Variants in FBXL13 observed in about 807,000 individuals in gnomAD.
FBXL13 encodes the protein F-box and leucine rich repeat protein 13, also known as F-box and leucine-rich repeat protein 13.
In FBXL13, 67 loss-of-function variants were observed where a neutral mutation model predicts 83.6. The ratio of observed to expected loss-of-function variants is 0.80; its 90% CI spans 0.66 to 0.98. The LOEUF (loss-of-function observed/expected upper bound fraction) is 0.98. FBXL13 is among the 50% of genes least tolerant of loss of function. FBXL13 has a pLI of 0.00. For missense variants in FBXL13, 822 were observed against 866.5 expected (o/e 0.95, Z 0.64); for synonymous variants, 272 against 299.5 (o/e 0.91, Z 0.95).
chr7:103,018,300 G>C lies in FBXL13; in HGVS notation c.495+6763C>G, dbSNP rs536502982. Among the ~76,000 whole-genome samples, 345 of 152,236 alleles carry C rather than the reference G, an allele frequency of 2.3e-3. 1 individual carries two copies. Among genetic ancestry groups the C allele is most frequent in the Middle Eastern group, 0.02 (6 of 294 alleles). The stretch of plus-strand genomic sequence containing the variant: ...GAGAGATTTTGTCACCACTAGGCCT[G>C]CCTTACAAGAGCTCCTGAAGGAAGC... On this transcript the variant is annotated intron_variant, in intron 6 of 19. Transcript: ENST00000313221.
intron 11 of FBXL13, among the ~76,000 whole-genome samples, chr7:102,903,948 T>C (rs1203174166): frequency 6.3e-5 from 9 of 143,332 alleles, no homozygotes; most frequent in East Asian, 3.9e-4. Flanking sequence ...TCTTTTTTTT[T>C]TTTTTTTTTT....
intron 16 of FBXL13, 121 bp from the exon 18 acceptor site, chr7:102,854,981 T>C: frequency 5.5e-6 from 3 of 542,654 alleles, no homozygotes; most frequent in Non-Finnish European, 9.3e-6. Flanking sequence ...TAATAAATTT[T>C]AGTTGCTGTC....
intron 16 of FBXL13, among the ~76,000 whole-genome samples, chr7:102,856,906 A>C (rs144450281): frequency 1.3e-5 from 2 of 152,218 alleles, no homozygotes; most frequent in Non-Finnish European, 2.9e-5. Flanking sequence ...ACCCAAAAAC[A>C]GTGAAAACAT....
At chr7:102,846,731 C>A (rs1408764221) in intron 17 of FBXL13, among the ~76,000 whole-genome samples, 1 of 29,152 alleles carries the variant, frequency 3.4e-5, no homozygotes, top group Non-Finnish European at 7.6e-5. Flanking sequence ...CAAATAATAC[C>A]CCAGTGTTGT....
intron 17 of FBXL13, among the ~76,000 whole-genome samples, chr7:102,853,633 C>T (rs1303156065): frequency 6.6e-6 from 1 of 151,866 alleles, no homozygotes; most frequent in African/African-American, 2.4e-5. Context: ...TGACAAAGGG[C>T]TAATATCCAG....
chr7:102,889,482 T>C (rs762801767), intron 11 of FBXL13, among the ~76,000 whole-genome samples: 2 of 152,206 alleles, frequency 1.3e-5, no homozygotes, highest in Non-Finnish European at 2.9e-5. Flanking sequence ...TAAATAGGTA[T>C]ACATGTGCCA....
chr7:102,941,207 A>G (rs1163630622), intron 8 of FBXL13, among the ~76,000 whole-genome samples: 1 of 152,210 alleles, frequency 6.6e-6, no homozygotes, highest in African/African-American at 2.4e-5. Context: ...TCATTTTTCA[A>G]TAAATAAGGA....
chr7:102,927,442 A>G (rs1363628478), intron 9 of FBXL13, among the ~76,000 whole-genome samples: 1 of 152,200 alleles, frequency 6.6e-6, no homozygotes, highest in Non-Finnish European at 1.5e-5. Flanking sequence ...TAAAGATAGT[A>G]AAGGCTTATT....
In FBXL13 at chr7:103,029,331, T is replaced by G; in HGVS notation, c.68+20A>C. On this transcript the variant is annotated intron_variant, in intron 3 of 19. Transcript: ENST00000313221. ...AATAAAAACTCAAAGAGGAAGAAATTGTAAAAATCACATTCTTACCAAAAA... is the reference window on the plus strand; with the variant it reads ...AATAAAAACTCAAAGAGGAAGAAATGGTAAAAATCACATTCTTACCAAAAA... 2 of 1,471,004 alleles carry G rather than the reference T, an allele frequency of 1.4e-6. No homozygotes were observed. The highest frequency in any genetic ancestry group is 1.8e-6 in the Non-Finnish European group (2 of 1,082,682). 91.1% of individuals were successfully genotyped at this position (1,471,004 alleles called of 1,614,324 possible).
chr7:102,819,276 A>G (rs1798464189), intron 19 of FBXL13, among the ~76,000 whole-genome samples: 1 of 152,016 alleles, frequency 6.6e-6, no homozygotes. Flanking sequence ...TTCTGATCAT[A>G]GTTGTTACTT....
intron 8 of FBXL13, among the ~76,000 whole-genome samples, chr7:102,949,662 T>C (rs149442249): frequency 5.3e-5 from 8 of 152,262 alleles, no homozygotes; most frequent in East Asian, 3.9e-4. Flanking sequence ...ATGAAGACAA[T>C]TGTACTAAGA....
chr7:102,995,651 G>T (rs1007532279), intron 6 of FBXL13, among the ~76,000 whole-genome samples: 2 of 151,844 alleles, frequency 1.3e-5, no homozygotes, highest in Non-Finnish European at 1.5e-5. Context: ...GCCAGGCGTG[G>T]TGGTGTGCAC....
chr7:102,953,374 CAATGT>C (rs1225140124), intron 8 of FBXL13, among the ~76,000 whole-genome samples: 11 of 151,990 alleles, frequency 7.2e-5, no homozygotes, highest in African/African-American at 2.7e-4. Flanking sequence ...AAAAATCAAT[CAATGT>C]AATATACGCA....
chr7:103,023,274 TCAAA>T (rs1227683513), intron 6 of FBXL13, among the ~76,000 whole-genome samples: 1 of 151,530 alleles, frequency 6.6e-6, no homozygotes, highest in African/African-American at 2.4e-5. Flanking sequence ...AGACTCCGTC[TCAAA>T]CAAAACAAAA....
At chr7:102,896,241 G>A (rs369780108) in intron 11 of FBXL13, among the ~76,000 whole-genome samples, 1 of 152,184 alleles carries the variant, frequency 6.6e-6, no homozygotes, top group South Asian at 2.1e-4. Flanking sequence ...AGCAGAGGAA[G>A]GACATTGACT....
At chr7:102,886,995 G>C (rs188646552) in intron 11 of FBXL13, among the ~76,000 whole-genome samples, 2 of 152,170 alleles carry the variant, frequency 1.3e-5, no homozygotes, top group East Asian at 3.9e-4. Flanking sequence ...GATTATACTT[G>C]GATAATTTTT....
intron 8 of FBXL13, among the ~76,000 whole-genome samples, chr7:102,935,242 CTTTTTTTTTTTTTTTTT>C (rs71106700): frequency 2.6e-5 from 2 of 76,402 alleles, no homozygotes; most frequent in Non-Finnish European, 4.5e-5. Context: ...TTTTTTCTTT[CTTTTTTTTTTTTTTTTT>C]TTTTTTTTTT....
At chr7:102,978,423 G>A (rs1438517574) in intron 6 of FBXL13, 1 of 152,760 alleles carries the variant, frequency 6.5e-6, no homozygotes, top group African/African-American at 2.4e-5. Context: ...AGCAGTGTGA[G>A]TCAGCAAGAT....
chr7:102,976,141 T>C, intron 6 of FBXL13: 1 of 766,424 alleles, frequency 1.3e-6, no homozygotes. Context: ...CTCGTCAGCC[T>C]TGCCGCTGAA....
Sources: gnomAD v4.1 joint callset for allele counts (sites outside exome capture counted in the v4.1 genomes callset) on GRCh38, gnomAD v4.1.1 for gene constraint, MANE v1.5 for transcripts, NCBI Gene and HGNC (gene_info 2026-07-23, HGNC 2026-07-21) for gene names.